Variants in RIMKLB observed in about 807,000 individuals in gnomAD.
RIMKLB encodes the protein beta-citrylglutamate synthase B.
Under a neutral mutation model 32.0 loss-of-function variants are expected in RIMKLB, and 7 were observed. The ratio of observed to expected loss-of-function variants is 0.22; its 90% CI spans 0.12 to 0.41. The LOEUF (loss-of-function observed/expected upper bound fraction) is 0.41. Among genes scored for constraint, RIMKLB ranks in the 10% least tolerant of loss-of-function variants. RIMKLB has a pLI of 1.00. For missense variants in RIMKLB, 289 were observed against 498.7 expected (o/e 0.58, Z 4.00); for synonymous variants, 172 against 185.1 (o/e 0.93, Z 0.57).
At chr12:8,700,626 T>C (rs1050589527) in intron 1 of RIMKLB, 1 of 152,210 alleles carries the variant, frequency 6.6e-6, no homozygotes, top group African/African-American at 2.4e-5. Flanking sequence ...TGAGTTTTAT[T>C]GTATGTTGCT....
intron 1 of RIMKLB, chr12:8,700,700 C>T (rs1943313241): frequency 6.6e-6 from 1 of 152,134 alleles, no homozygotes; most frequent in African/African-American, 2.4e-5. Context: ...TGTTTTATGG[C>T]AGATTAGTTT....
chr12:8,758,879 A>G (rs1990479), intron 5 of RIMKLB, among the ~76,000 whole-genome samples: 79,645 of 151,950 alleles, frequency 0.52, 21,778 homozygotes, highest in South Asian at 0.62. Flanking sequence ...CTTTTTATGT[A>G]TGAATACCAG....
At chr12:8,676,064 T>TG in the RIMKLB span, among the ~76,000 whole-genome samples, 3 of 152,094 alleles carry the variant, frequency 2.0e-5, no homozygotes, top group African/African-American at 4.8e-5. Context: ...TTAAATGTTT[T>TG]GGGGGGTTCC....
chr12:8,676,549 C>A, the RIMKLB span, among the ~76,000 whole-genome samples: 1 of 151,536 alleles, frequency 6.6e-6, no homozygotes, highest in Middle Eastern at 3.4e-3. Context: ...CGGGTGTGCA[C>A]CACCACACCT....
intron 2 of RIMKLB, among the ~76,000 whole-genome samples, chr12:8,720,687 C>T (rs1252278517): frequency 6.6e-6 from 1 of 152,082 alleles, no homozygotes; most frequent in Non-Finnish European, 1.5e-5. Context: ...TTATAGGTGC[C>T]TGCCACCACG....
chr12:8,726,912 G>A, intron 2 of RIMKLB, among the ~76,000 whole-genome samples: 1 of 151,570 alleles, frequency 6.6e-6, no homozygotes, highest in East Asian at 1.9e-4. Context: ...TTTGCCCTTT[G>A]TCATTTTAAT....
upstream of RIMKLB, chr12:8,697,977 G>C (rs1203418161): frequency 6.3e-6 from 1 of 159,612 alleles, no homozygotes; most frequent in African/African-American, 2.5e-5. Context: ...GTGTGAGCGG[G>C]GTCGCGCGCG....
At chr12:8,756,249 C>T (rs1214813056) in intron 5 of RIMKLB, among the ~76,000 whole-genome samples, 5 of 151,570 alleles carry the variant, frequency 3.3e-5, no homozygotes, top group South Asian at 2.1e-4. Flanking sequence ...TGAGCCTGGG[C>T]GGTCGAGGCT....
intron 2 of RIMKLB, chr12:8,742,577 A>G: frequency 2.9e-6 from 1 of 342,006 alleles, no homozygotes; most frequent in South Asian, 2.6e-5. Flanking sequence ...CATCTGCATC[A>G]TCAATTTGAA....
At chr12:8,763,152 A>G (rs949953209) in intron 5 of RIMKLB, among the ~76,000 whole-genome samples, 1 of 152,244 alleles carries the variant, frequency 6.6e-6, no homozygotes. Flanking sequence ...TAAGACTGCT[A>G]CTGCTGCCAC....
chr12:8,720,745 G>C (rs1443350511), intron 2 of RIMKLB, among the ~76,000 whole-genome samples: 1 of 152,104 alleles, frequency 6.6e-6, no homozygotes, highest in East Asian at 1.9e-4. Context: ...TCACCTTGTT[G>C]GCCAGGCTGG....
intron 1 of RIMKLB, among the ~76,000 whole-genome samples, chr12:8,711,861 G>T (rs73036906): frequency 0.022 from 3,410 of 152,234 alleles, 48 homozygotes; most frequent in Admixed American, 0.034. Context: ...TGGGTACAGC[G>T]TCTGGTCAGG....
intron 2 of RIMKLB, among the ~76,000 whole-genome samples, chr12:8,722,380 T>C (rs948258086): frequency 6.6e-6 from 1 of 152,188 alleles, no homozygotes; most frequent in Non-Finnish European, 1.5e-5. Context: ...GGAATATTTT[T>C]TTTCTGAGTA....
intron 1 of RIMKLB, among the ~76,000 whole-genome samples, chr12:8,685,766 C>G (rs1942551252): frequency 6.6e-6 from 1 of 151,680 alleles, no homozygotes; most frequent in South Asian, 2.1e-4. Flanking sequence ...GCCTCAGCTT[C>G]CCAAGTAGCT....
At chr12:8,713,561 T>C (rs1263903796) in intron 1 of RIMKLB, among the ~76,000 whole-genome samples, 1 of 152,202 alleles carries the variant, frequency 6.6e-6, no homozygotes, top group Non-Finnish European at 1.5e-5. Flanking sequence ...AGTGACGAGC[T>C]ACAGTTATTA....
intron 1 of RIMKLB, among the ~76,000 whole-genome samples, chr12:8,711,522 CTT>C (rs11318157): frequency 8.7e-4 from 129 of 148,108 alleles, no homozygotes; most frequent in African/African-American, 3.1e-3. Context: ...TGATTACAAA[CTT>C]TTTTTTTTTA....
intron 1 of RIMKLB, among the ~76,000 whole-genome samples, chr12:8,699,441 CT>C (rs2136663307): frequency 6.6e-6 from 1 of 152,222 alleles, no homozygotes; most frequent in Non-Finnish European, 1.5e-5. Flanking sequence ...TATGAGAATA[CT>C]TTTAAGATAT....
chr12:8,746,932 G>A (rs937848768), intron 2 of RIMKLB, among the ~76,000 whole-genome samples: 11 of 152,050 alleles, frequency 7.2e-5, no homozygotes, highest in African/African-American at 2.7e-4. Flanking sequence ...TTGTAGAGAC[G>A]TGGATCTCAT....
chr12:8,757,886 G>T (rs930559503), intron 5 of RIMKLB, among the ~76,000 whole-genome samples: 1 of 151,602 alleles, frequency 6.6e-6, no homozygotes, highest in Non-Finnish European at 1.5e-5. Flanking sequence ...GTTTCTTATA[G>T]TGCCAACTTC....
Sources: allele counts gnomAD v4.1 joint callset (sites outside exome capture counted in the v4.1 genomes callset), GRCh38; gene constraint gnomAD v4.1.1; transcripts MANE v1.5; gene names NCBI Gene and HGNC (gene_info 2026-07-23, HGNC 2026-07-21).